Variants in ZSCAN25 observed in about 807,000 individuals in gnomAD.
The protein encoded by ZSCAN25 is zinc finger and SCAN domain containing 25.
In ZSCAN25, 27 loss-of-function variants were observed where a neutral mutation model predicts 38.7. The observed-to-expected ratio is 0.70, with a 90% CI of 0.51 to 0.96. The LOEUF (loss-of-function observed/expected upper bound fraction) is 0.96, where lower values mean the gene tolerates loss of function less well. Among genes scored for constraint, ZSCAN25 ranks in the 40% least tolerant of loss-of-function variants. The pLI is 0.00. For synonymous variants in ZSCAN25, 273 were observed against 277.7 expected, an observed-to-expected ratio of 0.98 and a Z score of 0.17; for missense variants, 637 against 705.9, an observed-to-expected ratio of 0.90 and a Z score of 1.11.
the ZSCAN25 span, among the ~76,000 whole-genome samples, chr7:99,684,799 T>C: frequency 6.6e-6 from 1 of 152,234 alleles, no homozygotes; most frequent in African/African-American, 2.4e-5. Flanking sequence ...TTTTCATTAA[T>C]AATTTTGGAT....
rs767573504 is a variant in ZSCAN25, at chr7:99,629,514, T to C, written c.1129T>C (p.Cys377Arg). Residue 377 changes from cysteine (C) to arginine (R), a missense_variant, in exon 8 of 8, where the codon TGT becomes CGT. Coordinates refer to ENST00000394152, the MANE Select transcript of ZSCAN25 (RefSeq NM_145115.3). The surrounding 1 kb of genome is among the most constrained non-coding windows in gnomAD (Gnocchi z 5.6). Reference protein sequence around the residue: ...QRTHEEKSYGCVECGKGFTLR... With the variant: ...QRTHEEKSYGRVECGKGFTLR... ...AACCCACGAAGAGAAGTCTTATGGC[T>C]GTGTGGAGTGTGGGAAGGGCTTTAC... 6.2e-7 allele frequency: 1 copy of C among 1,614,160 alleles called. No individual in the cohort carries two copies. The highest frequency in any genetic ancestry group is 8.5e-7 in the Non-Finnish European group (1 of 1,180,010).
the ZSCAN25 span, chr7:99,674,512 G>T: frequency 1.2e-6 from 2 of 1,607,850 alleles, no homozygotes; most frequent in Admixed American, 1.7e-5. Flanking sequence ...TCTATCCAAT[G>T]GAGGTTTTCA....
At chr7:99,667,895 C>G in the ZSCAN25 span, among the ~76,000 whole-genome samples, 151 of 152,218 alleles carry the variant, frequency 9.9e-4, 2 homozygotes, top group Non-Finnish European at 1.1e-3. Flanking sequence ...AAAAAATGCC[C>G]ACTCTCAACA....
chr7:99,641,689 C>T, the ZSCAN25 span, among the ~76,000 whole-genome samples: 636 of 152,284 alleles, frequency 4.2e-3, 8 homozygotes, highest in Non-Finnish European at 4.2e-3. Flanking sequence ...CTCTAATGCC[C>T]CAGTTGCTCA....
At chr7:99,731,031 G>A in the ZSCAN25 span, 3 of 1,612,468 alleles carry the variant, frequency 1.9e-6, no homozygotes, top group East Asian at 2.2e-5. Flanking sequence ...ATCATAAGAA[G>A]CAAAAGAGGA....
At chr7:99,660,243 T>TTA in the ZSCAN25 span, 3 of 958,430 alleles carry the variant, frequency 3.1e-6, no homozygotes, top group Non-Finnish European at 3.7e-6. Flanking sequence ...TTTTTTTTTT[T>TTA]TTACTTAGCA....
chr7:99,682,201 C>A, the ZSCAN25 span, among the ~76,000 whole-genome samples: 4 of 152,154 alleles, frequency 2.6e-5, no homozygotes, highest in African/African-American at 7.2e-5. Context: ...AACTCCTGAC[C>A]TCAAGTGATA....
the ZSCAN25 span, among the ~76,000 whole-genome samples, chr7:99,687,718 G>A: frequency 6.6e-6 from 1 of 152,106 alleles, no homozygotes; most frequent in Non-Finnish European, 1.5e-5. Context: ...ACTCATAATT[G>A]TCAGATTCAC....
At chr7:99,720,335 T>A in the ZSCAN25 span, 11 of 1,613,436 alleles carry the variant, frequency 6.8e-6, no homozygotes, top group Admixed American at 1.7e-4. Context: ...GAAGACAGAA[T>A]AACATTCTTT....
chr7:99,663,261 G>A, the ZSCAN25 span: 75 of 1,018,476 alleles, frequency 7.4e-5, no homozygotes, highest in East Asian at 2.9e-4. Flanking sequence ...AGCAGTGTCC[G>A]TATAGATTAA....
chr7:99,661,682 AGT>A, the ZSCAN25 span, among the ~76,000 whole-genome samples: 2 of 152,214 alleles, frequency 1.3e-5, no homozygotes, highest in African/African-American at 2.4e-5. Flanking sequence ...ATATAAAATG[AGT>A]GTGAGAAAGG....
downstream of ZSCAN25, among the ~76,000 whole-genome samples, chr7:99,632,989 G>GTTGTTTTTTTT (rs1554412109): frequency 2.3e-5 from 3 of 128,560 alleles, no homozygotes; most frequent in Admixed American, 1.6e-4. Flanking sequence ...ATTTTCTGTT[G>GTTGTTTTTTTT]TTTTTTTTTT....
At chr7:99,628,941 T>A (rs1026802113) in intron 7 of ZSCAN25, among the ~76,000 whole-genome samples, 63 of 152,132 alleles carry the variant, frequency 4.1e-4, no homozygotes, top group Admixed American at 8.5e-4. Flanking sequence ...TTGAGCTACA[T>A]TTTGTAAGAA....
the ZSCAN25 span, among the ~76,000 whole-genome samples, chr7:99,698,832 T>C: frequency 1.3e-5 from 2 of 152,314 alleles, no homozygotes; most frequent in Admixed American, 1.3e-4. Flanking sequence ...ATTTAAACCA[T>C]ATCAATTCAT....
rs1189592673 is a variant in ZSCAN25, at chr7:99,632,249, A to G, written c.*2229A>G. On this transcript the variant is annotated 3_prime_UTR_variant, in exon 8 of 8. Coordinates refer to ENST00000394152, the MANE Select transcript of ZSCAN25 (RefSeq NM_145115.3). ...GGGGTTTTTCCCATGGGATTGTGGT[A>G]GTCTGATTTTTCATATCTATTCAAA... The G allele has an allele frequency of 2.0e-6, 2 of 984,564 alleles. No homozygotes were observed. Among genetic ancestry groups the G allele is most frequent in the East Asian group, 2.3e-4 (2 of 8,818 alleles). The allele number at this position is 984,564 out of a possible 1,614,324, so 61.0% of individuals were successfully genotyped here. A position where few individuals can be genotyped will look rare whatever the true frequency, so the allele number is the denominator to read the frequency against.
At chr7:99,678,543 C>G in the ZSCAN25 span, among the ~76,000 whole-genome samples, 1 of 152,156 alleles carries the variant, frequency 6.6e-6, no homozygotes, top group Non-Finnish European at 1.5e-5. Context: ...GTGCATTAGA[C>G]TCATATTCCT....
the ZSCAN25 span, among the ~76,000 whole-genome samples, chr7:99,727,133 T>C: frequency 6.6e-6 from 1 of 152,318 alleles, no homozygotes. Context: ...CCATACTAGC[T>C]CTTCCTGACT....
chr7:99,638,979 G>A, the ZSCAN25 span, among the ~76,000 whole-genome samples: 3 of 152,370 alleles, frequency 2.0e-5, no homozygotes, highest in Admixed American at 6.5e-5. Flanking sequence ...ACCTGGGGCC[G>A]GAGTCTGCGC....
chr7:99,679,715 C>T, the ZSCAN25 span: 4 of 1,000,632 alleles, frequency 4.0e-6, no homozygotes, highest in Non-Finnish European at 6.3e-6. Flanking sequence ...AACACTTCAG[C>T]TACTTCTCCT....
Sources: gnomAD v4.1 joint callset for allele counts (sites outside exome capture counted in the v4.1 genomes callset) on GRCh38, gnomAD v4.1.1 for gene constraint, Gnocchi (gnomAD v3.1) non-coding constraint, MANE v1.5 for transcripts, NCBI Gene and HGNC (gene_info 2026-07-23, HGNC 2026-07-21) for gene names.